The following SRRM3 variants were observed in gnomAD, a reference collection of about 807,000 sequenced individuals.
SRRM3 encodes serine/arginine repetitive matrix 3.
SRRM3 carries 27 observed loss-of-function variants against 66.2 expected under a neutral mutation model. That is an observed-to-expected ratio of 0.41 (90% CI 0.30 to 0.56). SRRM3 has a LOEUF of 0.56. Among genes scored for constraint, SRRM3 ranks in the 20% least tolerant of loss-of-function variants. The pLI is 0.32. For missense variants in SRRM3, 918 were observed against 991.9 expected (o/e 0.93, Z 1.00); for synonymous variants, 391 against 414.9 (o/e 0.94, Z 0.70).
intron 11 of SRRM3, 99 bp downstream of exon 11, chr7:76,267,534 T>C: frequency 2.1e-5 from 2 of 96,498 alleles, no homozygotes; most frequent in Non-Finnish European, 4.0e-5. Context: ...AAGTGTGGCA[T>C]GGGGGCGGGG....
At chr7:76,242,263 T>A (rs1407662638) in intron 2 of SRRM3, among the ~76,000 whole-genome samples, 1 of 152,152 alleles carries the variant, frequency 6.6e-6, no homozygotes, top group Non-Finnish European at 1.5e-5. Context: ...GGTGGGTGGA[T>A]CACCTGAGGT....
At chr7:76,247,563 A>T (rs1554606293) in intron 2 of SRRM3, among the ~76,000 whole-genome samples, 1 of 151,854 alleles carries the variant, frequency 6.6e-6, no homozygotes, top group African/African-American at 2.4e-5. Flanking sequence ...TGGGTGGAGG[A>T]GGGTACGGAG....
chr7:76,283,257 G>C (rs1802578644), intron 14 of SRRM3, among the ~76,000 whole-genome samples, 156 bp downstream of exon 14: 1 of 151,988 alleles, frequency 6.6e-6, no homozygotes, highest in Non-Finnish European at 1.5e-5. Flanking sequence ...GGTTCTGCCA[G>C]GGTAGGGGGC....
At position 76,279,697 on chromosome 7, in the gene SRRM3, G is replaced by A. The variant is rs150449342; in HGVS notation, c.1009-1744G>A. 1.1e-3 allele frequency among the ~76,000 whole-genome samples: 165 copies of A among 152,146 alleles called. 1 individual carries two copies. Among genetic ancestry groups the A allele is most frequent in the Non-Finnish European group, 1.9e-3 (130 of 67,996 alleles). On this transcript the variant is annotated intron_variant, in intron 11 of 14. Coordinates refer to ENST00000611745, the MANE Select transcript of SRRM3 (RefSeq NM_001110199.3). ...CTGAGGCCCAGACTGGGGAAGTGAC[G>A]TGGCCAGGGTCACTCGGTGAGATAG...
At chr7:76,269,134 G>C (rs1405700167) in intron 11 of SRRM3, 2 of 152,358 alleles carry the variant, frequency 1.3e-5, no homozygotes, top group African/African-American at 4.8e-5. Context: ...CCCAGGATAG[G>C]GCAGTCGGGG....
intron 1 of SRRM3, among the ~76,000 whole-genome samples, chr7:76,218,625 C>A (rs1800627043): frequency 6.6e-6 from 1 of 151,566 alleles, no homozygotes; most frequent in African/African-American, 2.4e-5. Flanking sequence ...CAGTTCTGGC[C>A]TCTACAGATC....
Position 76,281,541 on chromosome 7 carries a change from C to A in SRRM3, c.1109C>A (p.Pro370Gln). Residue 370 changes from proline (P) to glutamine (Q), a missense_variant, in exon 12 of 15, where the codon CCG becomes CAG. Physicochemically the swap from Pro to Gln is moderately conservative, Grantham distance 76 (BLOSUM62 -1). Transcript: ENST00000611745. ...GAGAGCCCGAGCCCGCGCTCGGCGC[C>A]GTCGTCCCAAGGTCGCGGAGGCCGC... ...GKESPSPRSA[P>Q]SSQGRGGRAA... 1 of 1,146,382 alleles carries A rather than the reference C, an allele frequency of 8.7e-7. No individual in the cohort carries two copies. The highest frequency in any genetic ancestry group is 1.1e-6 in the Non-Finnish European group (1 of 932,840). The allele number at this position is 1,146,382 out of a possible 1,614,324, so 71.0% of individuals were successfully genotyped here. A position where few individuals can be genotyped will look rare whatever the true frequency, so the allele number is the denominator to read the frequency against.
Position 76,213,470 on chromosome 7 carries a change from C to T in SRRM3, c.-40+11403C>T, listed in dbSNP as rs188887222. ...GGAGGCACGGAGAGGTAAATAACAT[C>T]GCCCAGCTAAGAAGTGGTTGACCCA... On this transcript the variant is annotated intron_variant, in intron 1 of 14. Transcript: ENST00000611745. Among the ~76,000 whole-genome samples, 65 of 152,272 alleles carry T rather than the reference C, an allele frequency of 4.3e-4. No individual in the cohort carries two copies. The East Asian group carries it at 7.7e-3, about 18-fold the overall frequency.
Position 76,265,369 on chromosome 7 carries a change from A to T in SRRM3, c.731A>T (p.His244Leu). The T allele has an allele frequency of 1.3e-6, 2 of 1,596,928 alleles. No individual in the cohort carries two copies. The highest frequency in any genetic ancestry group is 3.6e-4 in the Middle Eastern group (2 of 5,590). ...ATTTCCCCCATCCACGCCAGGCCTC[A>T]CACAGAGTCCCCAGGCCGGAGGTCT... ...KEKNKEKKRP[H>L]TESPGRRSHR... Residue 244 changes from histidine (H) to leucine (L), a missense_variant, in exon 10 of 15, where the codon CAC (histidine) becomes CTC (leucine). Physicochemically the swap from His to Leu is moderately conservative, Grantham distance 99. Coordinates refer to ENST00000611745, the MANE Select transcript of SRRM3 (RefSeq NM_001110199.3).
chr7:76,248,296 G>A lies in SRRM3; in HGVS notation c.335+7G>A, dbSNP rs1554606422. ...ACCGGCCTGGGGGCCACATGTGAGT[G>A]CTTACCTGTGTGGGGATGAGGGAGA... On this transcript the variant is annotated splice_region_variant and intron_variant, in intron 3 of 14. Coordinates refer to ENST00000611745, the MANE Select transcript of SRRM3 (RefSeq NM_001110199.3). 6.2e-7 allele frequency: 1 copy of A among 1,605,988 alleles called. No individual in the cohort carries two copies. Among genetic ancestry groups the A allele is most frequent in the East Asian group, 2.2e-5 (1 of 44,828 alleles).
At chr7:76,279,524 AG>A (rs1802442933) in intron 11 of SRRM3, among the ~76,000 whole-genome samples, 1 of 141,690 alleles carries the variant, frequency 7.1e-6, no homozygotes, top group Non-Finnish European at 1.5e-5. Flanking sequence ...TACTAGATGG[AG>A]GGCCAAGGAC....
chr7:76,250,842 G>A (rs1801563758), intron 3 of SRRM3, among the ~76,000 whole-genome samples: 1 of 152,146 alleles, frequency 6.6e-6, no homozygotes, highest in Non-Finnish European at 1.5e-5. Context: ...TCATATTGTT[G>A]CCCCACAGTC....
intron 12 of SRRM3, among the ~76,000 whole-genome samples, chr7:76,282,097 C>T (rs1554612010): frequency 6.7e-6 from 1 of 148,688 alleles, no homozygotes; most frequent in Non-Finnish European, 1.5e-5. Flanking sequence ...CATGGATTTC[C>T]TCCGCACACT....
rs1214077808 is a variant in SRRM3, at chr7:76,287,010, G to C, written c.*1167G>C. On this transcript the variant is annotated 3_prime_UTR_variant, in exon 15 of 15. Coordinates refer to ENST00000611745, the MANE Select transcript of SRRM3 (RefSeq NM_001110199.3). ...GTAGAGATGGAGGCTACAGCCCTCA[G>C]AAGGGAGGGGAGGAAAGAGACTGAG... is the stretch of plus-strand genomic sequence containing the variant. 1.3e-5 allele frequency: 2 copies of C among 152,770 alleles called. No individual in the cohort carries two copies. The highest frequency in any genetic ancestry group is 2.9e-5 in the Non-Finnish European group (2 of 68,142). 9.5% of individuals were successfully genotyped at this position (152,770 alleles called of 1,614,324 possible).
intron 1 of SRRM3, among the ~76,000 whole-genome samples, chr7:76,212,639 TTG>T (rs538522995): frequency 8.2e-4 from 124 of 151,562 alleles, no homozygotes; most frequent in African/African-American, 2.9e-3. Flanking sequence ...CGGCTAATTT[TTG>T]TGTTTTTAGT....
chr7:76,206,262 G>A (rs1800299802), intron 1 of SRRM3, among the ~76,000 whole-genome samples: 1 of 152,184 alleles, frequency 6.6e-6, no homozygotes, highest in South Asian at 2.1e-4. Context: ...CCACATCCAT[G>A]CAAGAACAGC....
At chr7:76,210,160 C>T (rs971463607) in intron 1 of SRRM3, among the ~76,000 whole-genome samples, 1 of 152,106 alleles carries the variant, frequency 6.6e-6, no homozygotes, top group Admixed American at 6.5e-5. Context: ...GGCAACCTGC[C>T]CCCTACACCA....
intron 2 of SRRM3, among the ~76,000 whole-genome samples, chr7:76,247,937 T>C (rs1192999926): frequency 1.3e-5 from 2 of 152,172 alleles, no homozygotes; most frequent in Non-Finnish European, 2.9e-5. Context: ...TCAGGTGATC[T>C]GCCTGCCTCG....
chr7:76,238,372 T>A (rs1232541749), intron 2 of SRRM3, among the ~76,000 whole-genome samples: 1 of 152,176 alleles, frequency 6.6e-6, no homozygotes, highest in Non-Finnish European at 1.5e-5. Context: ...CAGTCCCGTT[T>A]ATTTACCGGG....
Sources: allele counts gnomAD v4.1 joint callset (sites outside exome capture counted in the v4.1 genomes callset), GRCh38; gene constraint gnomAD v4.1.1; transcripts MANE v1.5; gene names NCBI Gene and HGNC (gene_info 2026-07-23, HGNC 2026-07-21).